Variants in VPS13B observed in about 807,000 individuals in gnomAD.
VPS13B encodes the protein intermembrane lipid transfer protein VPS13B.
VPS13B carries 285 observed loss-of-function variants against 426.4 expected under a neutral mutation model. The observed-to-expected ratio is 0.67, with a 90% CI of 0.61 to 0.74. VPS13B has a LOEUF of 0.74. Among genes scored for constraint, VPS13B ranks in the 30% least tolerant of loss-of-function variants. The probability of loss-of-function intolerance (pLI) is 0.00; values close to 1 mark genes in which losing one functional copy is unlikely to be tolerated. For synonymous variants in VPS13B, 1,676 were observed against 1,676.4 expected (o/e 1.00, Z 0.01); for missense variants, 4,537 against 4,782.6 (o/e 0.95, Z 1.51).
intron 33 of VPS13B, among the ~76,000 whole-genome samples, chr8:99,612,237 C>A (rs917223515): frequency 7.2e-5 from 11 of 152,138 alleles, no homozygotes; most frequent in African/African-American, 2.2e-4. Context: ...CTCTCCTCAT[C>A]TATCAAATGA....
chr8:99,806,868 C>T (rs1294284371), intron 43 of VPS13B, among the ~76,000 whole-genome samples: 1 of 152,178 alleles, frequency 6.6e-6, no homozygotes, highest in East Asian at 1.9e-4. Flanking sequence ...CACTGCCATC[C>T]AGTGCTCAAA....
intron 14 of VPS13B, among the ~76,000 whole-genome samples, chr8:99,154,001 C>T (rs941478963): frequency 6.6e-6 from 1 of 151,312 alleles, no homozygotes; most frequent in Non-Finnish European, 1.5e-5. Context: ...TTGTTTTACT[C>T]TCTTCTTGCT....
At chr8:99,066,155 A>C (rs1844493739) in intron 3 of VPS13B, among the ~76,000 whole-genome samples, 1 of 152,278 alleles carries the variant, frequency 6.6e-6, no homozygotes, top group African/African-American at 2.4e-5. Flanking sequence ...AAACTACTTT[A>C]AAGTTCATAT....
intron 23 of VPS13B, among the ~76,000 whole-genome samples, chr8:99,462,115 C>T (rs184727334): frequency 1.3e-5 from 2 of 148,876 alleles, no homozygotes; most frequent in Non-Finnish European, 3.0e-5. Context: ...TTCCTTCCTT[C>T]CTTCCAACTT....
At chr8:99,023,503 A>G (rs571947752) in intron 2 of VPS13B, among the ~76,000 whole-genome samples, 2 of 145,638 alleles carry the variant, frequency 1.4e-5, no homozygotes, top group South Asian at 4.3e-4. Flanking sequence ...TTTTTTTGAG[A>G]TGGAGTCTTC....
At position 99,776,877 on chromosome 8, in the gene VPS13B, T is replaced by G; in HGVS notation, c.7350T>G (p.Phe2450Leu). The G allele has an allele frequency of 6.2e-7, 1 of 1,614,130 alleles. No individual in the cohort carries two copies. Among genetic ancestry groups the G allele is most frequent in the East Asian group, 2.2e-5 (1 of 44,868 alleles). Residue 2450 changes from phenylalanine to leucine, a missense_variant, in exon 41 of 62, where the codon TTT becomes TTG. Transcript: ENST00000357162. ...TRVDSCFTPW[F>L]VPSLCVSFQF... ...TTGACTCCTGCTTTACCCCATGGTTTGTCCCATCCCTTTGCGTTTCTTTCC... is the reference window on the plus strand; with the variant it reads ...TTGACTCCTGCTTTACCCCATGGTTGGTCCCATCCCTTTGCGTTTCTTTCC...
At chr8:99,447,816 G>C (rs907658369) in intron 23 of VPS13B, among the ~76,000 whole-genome samples, 1 of 151,796 alleles carries the variant, frequency 6.6e-6, no homozygotes, top group South Asian at 2.1e-4. Flanking sequence ...TTATCGTGTT[G>C]CTGTAAATAG....
chr8:99,384,428 C>T, intron 20 of VPS13B, 111 bp downstream of exon 20: 1 of 882,968 alleles, frequency 1.1e-6, no homozygotes, highest in African/African-American at 1.7e-5. Flanking sequence ...ACTAGATTTC[C>T]TTTGTCTCCC....
intron 2 of VPS13B, among the ~76,000 whole-genome samples, chr8:99,016,008 C>A (rs1228159098): frequency 1.3e-5 from 2 of 152,204 alleles, no homozygotes; most frequent in African/African-American, 2.4e-5. Context: ...AAATTGGAAT[C>A]ATTTATGTTT....
At chr8:99,372,403 A>T (rs1156624507) in intron 19 of VPS13B, among the ~76,000 whole-genome samples, 1 of 152,204 alleles carries the variant, frequency 6.6e-6, no homozygotes, top group African/African-American at 2.4e-5. Flanking sequence ...AATTTTTTGC[A>T]ATCTACTCAT....
chr8:99,083,899 G>T (rs1209352109), intron 3 of VPS13B, among the ~76,000 whole-genome samples: 4 of 147,728 alleles, frequency 2.7e-5, no homozygotes, highest in African/African-American at 7.5e-5. Flanking sequence ...GTTCATCAGG[G>T]ATATTGGTCT....
At chr8:99,036,651 A>G (rs991021305) in intron 2 of VPS13B, among the ~76,000 whole-genome samples, 65 of 152,266 alleles carry the variant, frequency 4.3e-4, no homozygotes, top group African/African-American at 1.3e-3. Flanking sequence ...TGATGATACT[A>G]AGTTCTTGAG....
chr8:99,684,508 G>A (rs1381964392), intron 35 of VPS13B, among the ~76,000 whole-genome samples: 2 of 152,102 alleles, frequency 1.3e-5, no homozygotes, highest in Non-Finnish European at 2.9e-5. Context: ...CTGGGCTTTG[G>A]GCTGCCATTA....
At chr8:99,747,296 A>AG (rs1810139101) in intron 39 of VPS13B, among the ~76,000 whole-genome samples, 1 of 152,082 alleles carries the variant, frequency 6.6e-6, no homozygotes, top group South Asian at 2.1e-4. Context: ...AAAAAAAAAA[A>AG]AAAGTTTTAA....
chr8:99,598,406 A>C (rs1827122231), intron 33 of VPS13B, among the ~76,000 whole-genome samples: 1 of 152,026 alleles, frequency 6.6e-6, no homozygotes, highest in Non-Finnish European at 1.5e-5. Flanking sequence ...GATTATATAG[A>C]AGGGCGAGAG....
intron 33 of VPS13B, among the ~76,000 whole-genome samples, chr8:99,589,934 C>A (rs1459612371): frequency 6.6e-6 from 1 of 152,162 alleles, no homozygotes; most frequent in African/African-American, 2.4e-5. Flanking sequence ...CTTTCTACCT[C>A]TGATAGAATT....
intron 17 of VPS13B, among the ~76,000 whole-genome samples, chr8:99,224,362 T>C (rs1588153090): frequency 6.6e-6 from 1 of 152,196 alleles, no homozygotes; most frequent in East Asian, 1.9e-4. Flanking sequence ...CAAGTTAACA[T>C]GTCATTTACC....
chr8:99,843,673 A>C (rs1008027587), intron 54 of VPS13B, among the ~76,000 whole-genome samples: 7 of 152,208 alleles, frequency 4.6e-5, no homozygotes, highest in Non-Finnish European at 1.0e-4. Flanking sequence ...TGTGGGGTCT[A>C]TACCCTGGCA....
intron 15 of VPS13B, among the ~76,000 whole-genome samples, chr8:99,163,814 C>A (rs556900403): frequency 6.6e-6 from 1 of 152,188 alleles, no homozygotes. Flanking sequence ...AGGGAGTGGG[C>A]TCCAGCCTTG....
Sources: gnomAD v4.1 joint callset for allele counts (sites outside exome capture counted in the v4.1 genomes callset) on GRCh38, gnomAD v4.1.1 for gene constraint, MANE v1.5 for transcripts, NCBI Gene and HGNC (gene_info 2026-07-23, HGNC 2026-07-21) for gene names.